Variants in CNTNAP2 observed in about 807,000 individuals in gnomAD.
CNTNAP2 encodes the protein contactin-associated protein-like 2.
Under a neutral mutation model 155.2 loss-of-function variants are expected in CNTNAP2, and 98 were observed. The ratio of observed to expected loss-of-function variants is 0.63; its 90% confidence interval spans 0.54 to 0.75. The LOEUF is 0.75. Among genes scored for constraint, CNTNAP2 ranks in the 30% least tolerant of loss-of-function variants. CNTNAP2 has a pLI of 0.00. For synonymous variants in CNTNAP2, 651 were observed against 631.2 expected, an observed-to-expected ratio of 1.03 and a Z score of -0.47; for missense variants, 1,727 against 1,688.1, an observed-to-expected ratio of 1.02 and a Z score of -0.40.
chr7:147,404,345 C>T (rs1796966783), intron 10 of CNTNAP2, among the ~76,000 whole-genome samples: 1 of 152,152 alleles, frequency 6.6e-6, no homozygotes, highest in South Asian at 2.1e-4. Flanking sequence ...AGAGACTGTG[C>T]TTCGGACAAA....
chr7:148,296,858 G>A lies in CNTNAP2; in HGVS notation c.3475+29732G>A, dbSNP rs77137524. Among the ~76,000 whole-genome samples, 1,171 of 152,286 alleles carry A rather than the reference G, an allele frequency of 7.7e-3. 8 individuals carry two copies. Among genetic ancestry groups the A allele is most frequent in the Non-Finnish European group, 9.8e-3 (670 of 68,024 alleles). On this transcript the variant is annotated intron_variant, in intron 21 of 23. Transcript: ENST00000361727. ...GACGAAAAAGTTCTTCTAAGGGTTC[G>A]AAATCATGACCCAAGTCAAAGTTTA...
chr7:147,018,398 G>A (rs1798763001), intron 3 of CNTNAP2, among the ~76,000 whole-genome samples: 1 of 152,034 alleles, frequency 6.6e-6, no homozygotes, highest in African/African-American at 2.4e-5. Context: ...CACTGTCCAT[G>A]TCTGTTATTT....
intron 13 of CNTNAP2, among the ~76,000 whole-genome samples, chr7:147,832,911 TGA>T (rs1202563340): frequency 6.7e-6 from 1 of 149,630 alleles, no homozygotes; most frequent in Non-Finnish European, 1.5e-5. Context: ...TTAATAACTC[TGA>T]GTCAAAAACA....
At chr7:148,229,027 C>A (rs1795911020) in intron 19 of CNTNAP2, among the ~76,000 whole-genome samples, 1 of 152,014 alleles carries the variant, frequency 6.6e-6, no homozygotes, top group South Asian at 2.1e-4. Flanking sequence ...TTCTTTGTGT[C>A]CAGGCATAAT....
At chr7:147,527,858 G>C (rs1799354892) in intron 11 of CNTNAP2, among the ~76,000 whole-genome samples, 1 of 152,218 alleles carries the variant, frequency 6.6e-6, no homozygotes, top group Admixed American at 6.5e-5. Flanking sequence ...TATTTGGGAG[G>C]TTATCCTGGA....
chr7:146,305,693 G>A (rs1584859214), intron 1 of CNTNAP2, among the ~76,000 whole-genome samples: 2 of 152,118 alleles, frequency 1.3e-5, no homozygotes, highest in African/African-American at 2.4e-5. Flanking sequence ...GTTCTTTGAA[G>A]CCAATGAGAA....
chr7:147,354,579 G>A (rs796701752), intron 9 of CNTNAP2, among the ~76,000 whole-genome samples: 5 of 151,950 alleles, frequency 3.3e-5, no homozygotes, highest in African/African-American at 9.6e-5. Context: ...TGATGGTTAC[G>A]GCTTTGCTCT....
intron 17 of CNTNAP2, among the ~76,000 whole-genome samples, chr7:148,150,717 T>C (rs912786939): frequency 2.0e-5 from 3 of 152,202 alleles, no homozygotes; most frequent in African/African-American, 7.2e-5. Flanking sequence ...CTTCCCTCTC[T>C]GAGTATCTTC....
intron 1 of CNTNAP2, among the ~76,000 whole-genome samples, chr7:146,669,126 C>T (rs1054562158): frequency 2.6e-5 from 4 of 152,004 alleles, no homozygotes; most frequent in African/African-American, 9.7e-5. Context: ...TTAATTATGC[C>T]ACTAATTAAA....
chr7:146,327,352 A>G (rs1182112044), intron 1 of CNTNAP2, among the ~76,000 whole-genome samples: 1 of 152,222 alleles, frequency 6.6e-6, no homozygotes, highest in Non-Finnish European at 1.5e-5. Flanking sequence ...TTACAAGAAA[A>G]TTAGCATCAG....
In CNTNAP2 at chr7:146,593,921, G is replaced by T. The variant is rs114129269; in HGVS notation, c.98-180350G>T. 4.8e-3 allele frequency among the ~76,000 whole-genome samples: 724 copies of T among 152,160 alleles called. 5 individuals carry two copies. Among genetic ancestry groups the T allele is most frequent in the African/African-American group, 0.016 (668 of 41,514 alleles). ...GCAAGACTCTTGCAGAGTTAGTTTA[G>T]CCAGGTTCTCCCATGCTTCATATCT... On this transcript the variant is annotated intron_variant, in intron 1 of 23. Transcript: ENST00000361727.
At chr7:147,168,732 C>G (rs185145181) in intron 8 of CNTNAP2, among the ~76,000 whole-genome samples, 214 of 152,146 alleles carry the variant, frequency 1.4e-3, no homozygotes, top group African/African-American at 4.9e-3. Flanking sequence ...AGTATCTTTT[C>G]CCTAATTGTT....
chr7:146,810,538 G>A (rs1803046791), intron 2 of CNTNAP2, among the ~76,000 whole-genome samples: 1 of 151,688 alleles, frequency 6.6e-6, no homozygotes, highest in Non-Finnish European at 1.5e-5. Flanking sequence ...AGTTATAAAA[G>A]GTAAAGTCTT....
At chr7:146,211,146 G>A (rs566065011) in intron 1 of CNTNAP2, among the ~76,000 whole-genome samples, 2 of 152,212 alleles carry the variant, frequency 1.3e-5, no homozygotes, top group South Asian at 2.1e-4. Flanking sequence ...AAATAAAAAT[G>A]CATTAATTTC....
chr7:148,273,984 A>C (rs1005237135), intron 21 of CNTNAP2, among the ~76,000 whole-genome samples: 2 of 152,136 alleles, frequency 1.3e-5, no homozygotes, highest in African/African-American at 4.8e-5. Context: ...ACATACTTAG[A>C]TCTTCATTTG....
chr7:147,072,371 C>A (rs1446757926), intron 4 of CNTNAP2, among the ~76,000 whole-genome samples: 1 of 152,156 alleles, frequency 6.6e-6, no homozygotes, highest in East Asian at 1.9e-4. Flanking sequence ...ACCAAACTAT[C>A]TTAAGCCAAC....
chr7:147,176,520 C>T (rs1802341067), intron 8 of CNTNAP2, among the ~76,000 whole-genome samples: 1 of 150,286 alleles, frequency 6.7e-6, no homozygotes, highest in Non-Finnish European at 1.5e-5. Flanking sequence ...ATATGTGCTG[C>T]ATATTATATG....
intron 1 of CNTNAP2, among the ~76,000 whole-genome samples, chr7:146,576,898 AT>A (rs1489556037): frequency 1.3e-5 from 2 of 152,190 alleles, no homozygotes; most frequent in Non-Finnish European, 2.9e-5. Flanking sequence ...GATTGATAAA[AT>A]GCCTAACTCC....
rs556088464 is a variant in CNTNAP2 at position 147,966,689 on chromosome 7, G to T, written c.2256-11173G>T. ...GCAGGAAAGATTTATTTGCAGAGTT[G>T]AGATGTCAGCATATTCCGTCTGCCC... On this transcript the variant is annotated intron_variant, in intron 14 of 23. Transcript: ENST00000361727. Among the ~76,000 whole-genome samples, 8 of 152,188 alleles carry T rather than the reference G, an allele frequency of 5.3e-5. No individual in the cohort carries two copies. The South Asian group carries it at 6.2e-4, about 12-fold the overall frequency.
Sources: gnomAD v4.1 joint callset for allele counts (sites outside exome capture counted in the v4.1 genomes callset) on GRCh38, gnomAD v4.1.1 for gene constraint, MANE v1.5 for transcripts, NCBI Gene and HGNC (gene_info 2026-07-23, HGNC 2026-07-21) for gene names.